The following CNTN1 variants were observed in gnomAD, a reference collection of about 807,000 sequenced individuals.
The protein encoded by CNTN1 is contactin 1.
A neutral mutation model predicts 126.4 loss-of-function variants in CNTN1; 38 were observed. The ratio of observed to expected loss-of-function variants is 0.30; its 90% CI spans 0.23 to 0.39. The LOEUF (loss-of-function observed/expected upper bound fraction) is 0.39, where lower values mean the gene tolerates loss of function less well. CNTN1 is among the 10% of genes least tolerant of loss of function. The pLI, the probability that CNTN1 is intolerant of heterozygous loss-of-function variation, is 1.00. For missense variants in CNTN1, 1,009 were observed against 1,248.4 expected (o/e 0.81, Z 2.89); for synonymous variants, 413 against 422.6 (o/e 0.98, Z 0.28).
At chr12:40,972,648 T>C in intron 15 of CNTN1, 3 of 952,020 alleles carry the variant, frequency 3.2e-6, no homozygotes, top group Non-Finnish European at 3.8e-6. Context: ...TTCCTTCTTT[T>C]ATATTTTCTA....
chr12:40,962,346 G>C (rs1282914446), intron 15 of CNTN1, among the ~76,000 whole-genome samples: 1 of 152,064 alleles, frequency 6.6e-6, no homozygotes, highest in Non-Finnish European at 1.5e-5. Context: ...ATTTCTATCA[G>C]AAAAGAAGTG....
intron 23 of CNTN1, among the ~76,000 whole-genome samples, chr12:41,054,629 A>G (rs1174423521): frequency 1.3e-5 from 2 of 152,090 alleles, no homozygotes; most frequent in Admixed American, 6.6e-5. Flanking sequence ...AGTTACTAAT[A>G]CATTCTGTAA....
chr12:40,823,728 C>G (rs1236453018), intron 1 of CNTN1, among the ~76,000 whole-genome samples: 1 of 152,102 alleles, frequency 6.6e-6, no homozygotes. Flanking sequence ...ACTTCCATAG[C>G]TTAAGCAGTT....
intron 1 of CNTN1, among the ~76,000 whole-genome samples, chr12:40,887,778 C>T (rs369818152): frequency 2.0e-5 from 3 of 151,824 alleles, no homozygotes; most frequent in East Asian, 1.9e-4. Flanking sequence ...TGTCCAACAA[C>T]GATAGACTGG....
At position 40,813,231 on chromosome 12, in the gene CNTN1, A is replaced by G. The variant is rs1271240891; in HGVS notation, c.-76-95126A>G. On this transcript the variant is annotated intron_variant, in intron 1 of 23. Coordinates refer to ENST00000551295, the MANE Select transcript of CNTN1 (RefSeq NM_001843.4). ...AGTTTTTTCTTATTTGCTTCTAAAAAGAAAAAAAAAAAACAGGATTCATGT... is the reference window on the plus strand; with the variant it reads ...AGTTTTTTCTTATTTGCTTCTAAAAGGAAAAAAAAAAAACAGGATTCATGT... 4.8e-4 allele frequency among the ~76,000 whole-genome samples: 16 copies of G among 33,420 alleles called. No homozygotes were observed. In the South Asian group the frequency reaches 0.029, roughly 60 times the overall value. The allele number at this position is 33,420 out of a possible 152,430, so 21.9% of individuals were successfully genotyped here.
intron 3 of CNTN1, among the ~76,000 whole-genome samples, chr12:40,916,655 A>G (rs1945256531): frequency 6.6e-6 from 1 of 152,104 alleles, no homozygotes; most frequent in Admixed American, 6.6e-5. Flanking sequence ...AACTAGAGAC[A>G]ACCTACAACA....
intron 1 of CNTN1, among the ~76,000 whole-genome samples, chr12:40,773,545 G>GAAAAC (rs1432082156): frequency 6.7e-6 from 1 of 150,042 alleles, no homozygotes; most frequent in Non-Finnish European, 1.5e-5. Context: ...AGAGACTTCC[G>GAAAAC]AAAACAAAAC....
chr12:40,928,943 A>T (rs1828815545), intron 6 of CNTN1, among the ~76,000 whole-genome samples: 2 of 151,902 alleles, frequency 1.3e-5, no homozygotes. Flanking sequence ...ACCTAGAGAG[A>T]TTCCCACTTA....
chr12:40,906,949 A>G (rs1940104559), intron 1 of CNTN1, among the ~76,000 whole-genome samples: 1 of 152,108 alleles, frequency 6.6e-6, no homozygotes, highest in South Asian at 2.1e-4. Flanking sequence ...AAGGGCTGGG[A>G]TTACAGGTGT....
chr12:40,698,228 A>ATT (rs35570862), intron 1 of CNTN1, among the ~76,000 whole-genome samples: 1,717 of 69,852 alleles, frequency 0.025, 120 homozygotes, highest in African/African-American at 0.077. Context: ...CAGCCACTTA[A>ATT]TTTTTTTTTT....
intron 1 of CNTN1, among the ~76,000 whole-genome samples, chr12:40,797,061 A>G (rs1940465299): frequency 6.6e-6 from 1 of 152,060 alleles, no homozygotes. Context: ...ATAAAATTAT[A>G]TCTTGTGCCA....
At chr12:40,847,751 G>A (rs1942564530) in intron 1 of CNTN1, among the ~76,000 whole-genome samples, 1 of 152,194 alleles carries the variant, frequency 6.6e-6, no homozygotes, top group South Asian at 2.1e-4. Flanking sequence ...GGAGTGGGCT[G>A]TCCCTCTCCT....
intron 19 of CNTN1, among the ~76,000 whole-genome samples, chr12:41,017,804 C>T (rs1305629548): frequency 6.6e-6 from 1 of 151,540 alleles, no homozygotes; most frequent in Admixed American, 6.6e-5. Context: ...AAAATAATAC[C>T]TTTCTGGCCT....
chr12:41,022,927 G>T (rs184080327), intron 20 of CNTN1, among the ~76,000 whole-genome samples: 3 of 151,858 alleles, frequency 2.0e-5, no homozygotes, highest in Non-Finnish European at 4.4e-5. Context: ...TTTTACACAG[G>T]GTCTTGGATA....
chr12:40,981,855 A>T (rs1947829621), intron 16 of CNTN1, among the ~76,000 whole-genome samples: 1 of 152,150 alleles, frequency 6.6e-6, no homozygotes, highest in South Asian at 2.1e-4. Flanking sequence ...AAAAGAGGAG[A>T]CATAGAAATA....
intron 15 of CNTN1, chr12:40,971,703 T>A: frequency 7.3e-7 from 1 of 1,373,354 alleles, no homozygotes; most frequent in Non-Finnish European, 9.3e-7. Context: ...ACTATAATGC[T>A]TCACTAATAC....
rs150210369 is a variant in CNTN1 at position 41,025,179 on chromosome 12, A to G, written c.2553A>G (p.Glu851=). 3.2e-5 allele frequency: 52 copies of G among 1,613,862 alleles called. No homozygotes were observed. The highest frequency in any genetic ancestry group is 4.1e-5 in the Non-Finnish European group (48 of 1,179,886). ...QIRYWAAHDK[E]EAANRVQVTS... ...GGTATTGGGCTGCCCATGACAAAGA[A>G]GAAGCTGCAAACAGAGTTCAAGTCA... The change falls in exon 21 of 24, where the codon GAA becomes GAG. Residue 851 remains glutamate (E), a synonymous_variant. Coordinates refer to ENST00000551295, the MANE Select transcript of CNTN1 (RefSeq NM_001843.4).
At chr12:40,998,836 C>G (rs1355899580) in intron 17 of CNTN1, among the ~76,000 whole-genome samples, 1 of 151,892 alleles carries the variant, frequency 6.6e-6, no homozygotes, top group African/African-American at 2.4e-5. Context: ...CATGAAATTC[C>G]AATGCAAGTT....
chr12:40,949,569 C>CTTTTTTTTTTTTTTT (rs36070275), intron 14 of CNTN1, among the ~76,000 whole-genome samples: 12 of 64,312 alleles, frequency 1.9e-4, no homozygotes, highest in Non-Finnish European at 2.8e-4. Context: ...TCTTTTCTTT[C>CTTTTTTTTTTTTTTT]TTTTTTTTTT....
Sources: gnomAD v4.1 joint callset for allele counts (sites outside exome capture counted in the v4.1 genomes callset) on GRCh38, gnomAD v4.1.1 for gene constraint, MANE v1.5 for transcripts, NCBI Gene and HGNC (gene_info 2026-07-23, HGNC 2026-07-21) for gene names.